Variants in MAPKAP1 observed in about 807,000 individuals in gnomAD.
MAPKAP1 encodes the protein target of rapamycin complex 2 subunit MAPKAP1.
A neutral mutation model predicts 65.7 loss-of-function variants in MAPKAP1; 20 were observed. The observed-to-expected ratio is 0.30, with a 90% CI of 0.21 to 0.44. MAPKAP1 has a LOEUF of 0.44. MAPKAP1 is among the 20% of genes least tolerant of loss of function. The pLI, the probability that MAPKAP1 is intolerant of heterozygous loss-of-function variation, is 1.00. For synonymous variants in MAPKAP1, 222 were observed against 244.3 expected (o/e 0.91, Z 0.85); for missense variants, 423 against 648.0 (o/e 0.65, Z 3.77).
Position 125,707,072 on chromosome 9 carries a change from C to G in MAPKAP1, c.-171G>C. ...CTCCCGGCCCCTGCCCCGAGCTCTG[C>G]ACTCTCGGGATCCACGGGGACCGGC... On this transcript the variant is annotated 5_prime_UTR_variant, in exon 1 of 12. Transcript: ENST00000265960. 1 of 398,226 alleles carries G rather than the reference C, an allele frequency of 2.5e-6. No homozygotes were observed. 24.7% of individuals were successfully genotyped at this position (398,226 alleles called of 1,614,324 possible). A position where few individuals can be genotyped will look rare whatever the true frequency, so the allele number is the denominator to read the frequency against.
chr9:125,458,145 G>A (rs184669801), intron 10 of MAPKAP1, among the ~76,000 whole-genome samples: 3 of 151,358 alleles, frequency 2.0e-5, no homozygotes, highest in Non-Finnish European at 4.4e-5. Context: ...ATTTTGTTCA[G>A]TTTTCTCATC....
intron 10 of MAPKAP1, among the ~76,000 whole-genome samples, chr9:125,461,535 C>G (rs1010730029): frequency 6.6e-6 from 1 of 152,154 alleles, no homozygotes; most frequent in Admixed American, 6.5e-5. Flanking sequence ...TAAAAAACCC[C>G]AGCAGACTTC....
chr9:125,662,316 A>G (rs994757930), intron 3 of MAPKAP1, among the ~76,000 whole-genome samples: 1 of 152,148 alleles, frequency 6.6e-6, no homozygotes, highest in Non-Finnish European at 1.5e-5. Context: ...CAGGAAGTTG[A>G]GGTTGTAGTG....
chr9:125,653,121 G>C (rs1833939110), intron 4 of MAPKAP1, among the ~76,000 whole-genome samples: 1 of 152,230 alleles, frequency 6.6e-6, no homozygotes, highest in African/African-American at 2.4e-5. Context: ...TCCTGAGGAA[G>C]ATACACTGTC....
intron 10 of MAPKAP1, among the ~76,000 whole-genome samples, chr9:125,462,949 T>A (rs1443849111): frequency 2.0e-5 from 3 of 152,172 alleles, no homozygotes; most frequent in Non-Finnish European, 4.4e-5. Context: ...AATGTCGACT[T>A]CCCTGGCAGC....
chr9:125,469,952 CCTT>C (rs950678386), intron 9 of MAPKAP1, among the ~76,000 whole-genome samples: 20 of 152,032 alleles, frequency 1.3e-4, no homozygotes, highest in Non-Finnish European at 1.6e-4. Flanking sequence ...TGTGTGTTCC[CCTT>C]CTTCTTCTTA....
At chr9:125,686,311 C>CAAAA (rs35807247) in intron 1 of MAPKAP1, among the ~76,000 whole-genome samples, 1 of 56,936 alleles carries the variant, frequency 1.8e-5, no homozygotes, top group African/African-American at 4.8e-5. Context: ...GACTCTGTCT[C>CAAAA]AAAAAAAAAA....
intron 5 of MAPKAP1, among the ~76,000 whole-genome samples, chr9:125,575,298 G>A (rs1261083284): frequency 6.6e-6 from 1 of 152,144 alleles, no homozygotes; most frequent in Non-Finnish European, 1.5e-5. Flanking sequence ...GGAGTTCAAG[G>A]CTGCAGTGAA....
intron 6 of MAPKAP1, among the ~76,000 whole-genome samples, chr9:125,544,560 T>C (rs542024727): frequency 1.3e-5 from 2 of 152,310 alleles, no homozygotes; most frequent in African/African-American, 4.8e-5. Context: ...AGACTGTTAA[T>C]TGCAATAGCA....
chr9:125,596,276 T>C (rs1832122892), intron 4 of MAPKAP1: 1 of 761,800 alleles, frequency 1.3e-6, no homozygotes, highest in Non-Finnish European at 2.4e-6. Flanking sequence ...ACTTTGGTGG[T>C]GGTCGTGAAG....
intron 10 of MAPKAP1, among the ~76,000 whole-genome samples, chr9:125,450,714 C>T (rs1852912996): frequency 6.6e-6 from 1 of 152,224 alleles, no homozygotes; most frequent in South Asian, 2.1e-4. Context: ...CTGATGTCTT[C>T]TGGGCCCTCT....
chr9:125,683,101 G>A (rs909465222), intron 1 of MAPKAP1, among the ~76,000 whole-genome samples: 1 of 151,780 alleles, frequency 6.6e-6, no homozygotes, highest in Non-Finnish European at 1.5e-5. Flanking sequence ...GATTATAGGT[G>A]CCCGCCACCA....
intron 1 of MAPKAP1, among the ~76,000 whole-genome samples, chr9:125,677,814 C>T (rs535266080): frequency 1.9e-4 from 29 of 152,296 alleles, no homozygotes; most frequent in African/African-American, 7.0e-4. Flanking sequence ...CACTTTTTAA[C>T]ACCACGTTCT....
rs374860470 is a variant in MAPKAP1, at chr9:125,679,054, T to C, written c.-69-6411A>G. On this transcript the variant is annotated intron_variant, in intron 1 of 11. Transcript: ENST00000265960. The stretch of plus-strand genomic sequence containing the variant: ...TCTCGCACTGTCGTCCAGGCTGGAG[T>C]GCAGCAGTGCGATCCTGGCTAACTG... Among the ~76,000 whole-genome samples, 754 of 150,792 alleles carry C rather than the reference T, an allele frequency of 5.0e-3. 4 individuals carry two copies. The highest frequency in any genetic ancestry group is 0.017 in the African/African-American group (711 of 40,958).
intron 5 of MAPKAP1, among the ~76,000 whole-genome samples, chr9:125,584,151 T>C (rs1284392122): frequency 1.3e-5 from 2 of 152,148 alleles, no homozygotes; most frequent in Non-Finnish European, 2.9e-5. Context: ...TCCCACTTCA[T>C]GCAGAAAAGG....
At chr9:125,696,180 C>T (rs957591479) in intron 1 of MAPKAP1, 1 of 152,058 alleles carries the variant, frequency 6.6e-6, no homozygotes, top group Non-Finnish European at 1.5e-5. Context: ...ATAAGTGAGA[C>T]AGACATTCAC....
intron 4 of MAPKAP1, among the ~76,000 whole-genome samples, chr9:125,603,062 CTTT>C (rs1832346997): frequency 6.6e-6 from 1 of 150,658 alleles, no homozygotes; most frequent in African/African-American, 2.5e-5. Flanking sequence ...TTGCGTCTTT[CTTT>C]CTTTCTTTCT....
intron 8 of MAPKAP1, among the ~76,000 whole-genome samples, chr9:125,489,875 C>A (rs1427404505): frequency 1.3e-5 from 2 of 152,138 alleles, no homozygotes; most frequent in Non-Finnish European, 2.9e-5. Context: ...AACTGTCACT[C>A]AAAGTGTCAA....
At chr9:125,694,145 A>G (rs951158664) in intron 1 of MAPKAP1, among the ~76,000 whole-genome samples, 13 of 152,204 alleles carry the variant, frequency 8.5e-5, no homozygotes, top group African/African-American at 2.6e-4. Context: ...CCTGGCCAAC[A>G]TGGTGAAACT....
Sources: allele counts gnomAD v4.1 joint callset (sites outside exome capture counted in the v4.1 genomes callset), GRCh38; gene constraint gnomAD v4.1.1; transcripts MANE v1.5; gene names NCBI Gene and HGNC (gene_info 2026-07-23, HGNC 2026-07-21).